The following TMTC1 variants were observed in gnomAD, a reference collection of about 807,000 sequenced individuals.
TMTC1 encodes the protein transmembrane O-mannosyltransferase targeting cadherins 1, also known as protein O-mannosyl-transferase TMTC1.
TMTC1 carries 73 observed loss-of-function variants against 104.8 expected under a neutral mutation model. The observed-to-expected ratio is 0.70, with a 90% confidence interval of 0.58 to 0.85. The LOEUF is 0.85. TMTC1 is among the 40% of genes least tolerant of loss of function. TMTC1 has a pLI of 0.00. For missense variants in TMTC1, 1,035 were observed against 1,096.1 expected, an observed-to-expected ratio of 0.94 and a Z score of 0.79; for synonymous variants, 434 against 428.7, an observed-to-expected ratio of 1.01 and a Z score of -0.15.
intron 6 of TMTC1, among the ~76,000 whole-genome samples, chr12:29,612,734 C>T (rs1213200025): frequency 6.6e-6 from 1 of 152,152 alleles, no homozygotes; most frequent in Non-Finnish European, 1.5e-5. Context: ...CATCTTGACA[C>T]CCATCCTCTG....
At chr12:29,632,692 C>T (rs902705104) in intron 6 of TMTC1, among the ~76,000 whole-genome samples, 1 of 152,054 alleles carries the variant, frequency 6.6e-6, no homozygotes, top group Non-Finnish European at 1.5e-5. Flanking sequence ...GTACATTTGC[C>T]TTTGGTCTTT....
chr12:29,706,762 G>T (rs1395577881), intron 5 of TMTC1, among the ~76,000 whole-genome samples: 1 of 152,122 alleles, frequency 6.6e-6, no homozygotes, highest in Non-Finnish European at 1.5e-5. Context: ...GCCATTCAAT[G>T]TGGGTATTTT....
chr12:29,616,998 G>C (rs1001473168), intron 6 of TMTC1, among the ~76,000 whole-genome samples: 1 of 152,092 alleles, frequency 6.6e-6, no homozygotes, highest in Non-Finnish European at 1.5e-5. Flanking sequence ...GAACCAATGA[G>C]TGGTCAATTA....
intron 11 of TMTC1, among the ~76,000 whole-genome samples, chr12:29,531,828 T>G (rs571691442): frequency 6.6e-6 from 1 of 152,310 alleles, no homozygotes; most frequent in African/African-American, 2.4e-5. Flanking sequence ...CTCATCCTTC[T>G]GGGTTTCTTT....
intron 5 of TMTC1, among the ~76,000 whole-genome samples, chr12:29,735,764 C>G (rs302372): frequency 6.6e-6 from 1 of 152,228 alleles, no homozygotes; most frequent in Admixed American, 6.5e-5. Flanking sequence ...ATGCAGCTTC[C>G]GGACCAAGTA....
chr12:29,690,442 TA>T (rs2136753915), intron 5 of TMTC1, among the ~76,000 whole-genome samples: 1 of 152,338 alleles, frequency 6.6e-6, no homozygotes, highest in South Asian at 2.1e-4. Flanking sequence ...GACAATAAAG[TA>T]ATGAGATCAG....
chr12:29,758,287 TGA>T (rs1390400682), intron 3 of TMTC1, among the ~76,000 whole-genome samples: 1 of 152,234 alleles, frequency 6.6e-6, no homozygotes, highest in East Asian at 1.9e-4. Flanking sequence ...TTTTAAGCTC[TGA>T]GTTACTTTGG....
intron 16 of TMTC1, among the ~76,000 whole-genome samples, chr12:29,514,009 A>C (rs1943912494): frequency 6.6e-6 from 1 of 152,160 alleles, no homozygotes; most frequent in Admixed American, 6.5e-5. Context: ...CAGAAGAAGT[A>C]AGGTCACAGG....
rs2136329672 is a variant in TMTC1, at chr12:29,583,413, AGG to A, written c.1410_1411del (p.Leu471IlefsTer77). Reference sequence around the variant, plus strand: ...TTTATCTGTCTAGTCATACCTGAATAGGGACTCTCTTGACAGCCAAATTTCAT... The same window carrying A: ...TTTATCTGTCTAGTCATACCTGAATAGACTCTCTTGACAGCCAAATTTCAT... On this transcript the variant is annotated frameshift_variant, in exon 8 of 18. Coordinates refer to ENST00000539277, the MANE Select transcript of TMTC1 (RefSeq NM_001193451.2). LOFTEE classifies it high-confidence loss of function. The A allele has an allele frequency of 1.2e-6, 2 of 1,613,822 alleles. No individual in the cohort carries two copies. Among genetic ancestry groups the A allele is most frequent in the East Asian group, 4.5e-5 (2 of 44,846 alleles).
At position 29,656,319 on chromosome 12, in the gene TMTC1, G is replaced by GAGAT. The variant is rs71444334; in HGVS notation, c.939-22984_939-22983insATCT. 1.1e-3 allele frequency among the ~76,000 whole-genome samples: 157 copies of GAGAT among 139,370 alleles called. 1 individual carries two copies. Among genetic ancestry groups the GAGAT allele is most frequent in the Admixed American group, 5.2e-3 (71 of 13,684 alleles). 91.4% of individuals were successfully genotyped at this position (139,370 alleles called of 152,430 possible). On this transcript the variant is annotated intron_variant, in intron 5 of 17. Transcript: ENST00000539277. Reference sequence around the variant, plus strand: ...AACAAATGTCAGTGAAATTTCCCTGGATATATATATATATATATATACACA... The same window carrying GAGAT: ...AACAAATGTCAGTGAAATTTCCCTGGAGATATATATATATATATATATATACACA...
Position 29,506,826 on chromosome 12 carries a change from G to C in TMTC1, c.*20C>G. The C allele has an allele frequency of 6.2e-7, 1 of 1,613,866 alleles. No homozygotes were observed. Among genetic ancestry groups the C allele is most frequent in the Non-Finnish European group, 8.5e-7 (1 of 1,179,820 alleles). On this transcript the variant is annotated 3_prime_UTR_variant, in exon 18 of 18. Coordinates refer to ENST00000539277, the MANE Select transcript of TMTC1 (RefSeq NM_001193451.2). ...TCAGAGGCACCACATTATCCTATGA[G>C]GTTGGGTCAGACGGTGGTGCTATGT...
At chr12:29,601,529 A>G (rs77018509) in intron 7 of TMTC1, among the ~76,000 whole-genome samples, 7,189 of 152,258 alleles carry the variant, frequency 0.047, 582 homozygotes, top group African/African-American at 0.16. Flanking sequence ...CCGAAAGTCC[A>G]TTACTATGTG....
At chr12:29,524,450 G>A (rs762946327) in intron 11 of TMTC1, among the ~76,000 whole-genome samples, 12 of 152,132 alleles carry the variant, frequency 7.9e-5, no homozygotes, top group Admixed American at 2.6e-4. Flanking sequence ...AGACAATCTA[G>A]AGTAATTTTA....
chr12:29,560,228 C>A (rs73071519), intron 9 of TMTC1, among the ~76,000 whole-genome samples: 18,366 of 152,176 alleles, frequency 0.12, 1,393 homozygotes, highest in African/African-American at 0.21. Context: ...TCCAGAAAAC[C>A]TCAACAAAAG....
At chr12:29,552,561 A>G (rs1945134372) in intron 10 of TMTC1, among the ~76,000 whole-genome samples, 1 of 152,194 alleles carries the variant, frequency 6.6e-6, no homozygotes, top group African/African-American at 2.4e-5. Context: ...GGTTAGGGGC[A>G]GAAGGGCTAG....
chr12:29,769,966 A>G (rs1433514939), intron 1 of TMTC1, among the ~76,000 whole-genome samples: 1 of 152,044 alleles, frequency 6.6e-6, no homozygotes, highest in East Asian at 1.9e-4. Context: ...ACATATACAT[A>G]TAAAAGATGT....
intron 5 of TMTC1, among the ~76,000 whole-genome samples, chr12:29,677,949 A>T (rs947473103): frequency 1.3e-5 from 2 of 152,244 alleles, no homozygotes; most frequent in Non-Finnish European, 2.9e-5. Context: ...AGGTATGTAT[A>T]TATAGGAAAA....
At chr12:29,710,860 TTAA>T (rs974080671) in intron 5 of TMTC1, among the ~76,000 whole-genome samples, 1 of 136,590 alleles carries the variant, frequency 7.3e-6, no homozygotes, top group African/African-American at 2.8e-5. Flanking sequence ...TATAAATATA[TTAA>T]TTATATTATT....
chr12:29,522,468 TA>T (rs1944197151), intron 11 of TMTC1, among the ~76,000 whole-genome samples: 1 of 152,196 alleles, frequency 6.6e-6, no homozygotes, highest in African/African-American at 2.4e-5. Flanking sequence ...TCAAAAAATT[TA>T]AAGATGAATT....
Sources: gnomAD v4.1 joint callset for allele counts (sites outside exome capture counted in the v4.1 genomes callset) on GRCh38, gnomAD v4.1.1 for gene constraint, MANE v1.5 for transcripts, NCBI Gene and HGNC (gene_info 2026-07-23, HGNC 2026-07-21) for gene names.